Variants in LRMDA observed in about 807,000 individuals in gnomAD.
LRMDA encodes leucine-rich melanocyte differentiation-associated protein.
In LRMDA, 18 loss-of-function variants were observed where a neutral mutation model predicts 29.8. The observed-to-expected ratio is 0.60, with a 90% CI of 0.42 to 0.90. LRMDA has a LOEUF of 0.90. Among genes scored for constraint, LRMDA ranks in the 40% least tolerant of loss-of-function variants. The pLI is 0.00. For synonymous variants in LRMDA, 125 were observed against 109.4 expected, an observed-to-expected ratio of 1.14 and a Z score of -0.89; for missense variants, 273 against 273.9, an observed-to-expected ratio of 1.00 and a Z score of 0.02.
intron 2 of LRMDA, among the ~76,000 whole-genome samples, chr10:75,994,537 G>C (rs1847426835): frequency 6.6e-6 from 1 of 152,126 alleles, no homozygotes. Context: ...ACATTCCTTA[G>C]GTGCCGGGAG....
In LRMDA at chr10:76,179,324, C is replaced by CT. The variant is rs1231472240; in HGVS notation, c.516+120548dup. On this transcript the variant is annotated intron_variant, in intron 5 of 6. Transcript: ENST00000611255. Reference sequence around the variant, plus strand: ...TACAGAATCCTAGACCTGAAAGGAGCTTTTTTTCAAGCATGTAGCTGGCCT... The same window carrying CT: ...TACAGAATCCTAGACCTGAAAGGAGCTTTTTTTTCAAGCATGTAGCTGGCCT... Among the ~76,000 whole-genome samples the CT allele has an allele frequency of 7.9e-5, 12 of 152,046 alleles. No individual in the cohort carries two copies. In the South Asian group the frequency reaches 1.7e-3, roughly 21 times the overall value.
intron 2 of LRMDA, among the ~76,000 whole-genome samples, chr10:75,802,507 A>G (rs1037265083): frequency 3.3e-5 from 5 of 152,176 alleles, no homozygotes; most frequent in African/African-American, 1.2e-4. Context: ...ATTAATGATT[A>G]GCTAATTATA....
Position 76,058,742 on chromosome 10 carries a change from G to A in LRMDA, c.475G>A (p.Ala159Thr). The change falls in exon 5 of 7, where the codon GCG becomes ACG. Residue 159 changes from alanine (A) to threonine (T), a missense_variant. Ala to Thr is a moderately conservative substitution (Grantham distance 58). Coordinates refer to ENST00000611255, the MANE Select transcript of LRMDA (RefSeq NM_001305581.2). ...AGTAACCAGACAAGAACGAGAGGAG[G>A]CGTTGGTCAGAGGAGTCTTCATGAA... is the stretch of plus-strand genomic sequence containing the variant. ...QKVTRQEREE[A>T]LVRGVFMKVV... The A allele has an allele frequency of 6.2e-7, 1 of 1,614,168 alleles. No homozygotes were observed. The highest frequency in any genetic ancestry group is 2.2e-5 in the East Asian group (1 of 44,886).
intron 2 of LRMDA, among the ~76,000 whole-genome samples, chr10:75,970,705 G>A (rs559265162): frequency 6.6e-6 from 1 of 152,288 alleles, no homozygotes; most frequent in Non-Finnish European, 1.5e-5. Flanking sequence ...GTTGAAGATG[G>A]GCAGGCCCAG....
intron 6 of LRMDA, among the ~76,000 whole-genome samples, chr10:76,479,468 T>G (rs1419179522): frequency 1.3e-5 from 2 of 151,862 alleles, no homozygotes; most frequent in Non-Finnish European, 2.9e-5. Context: ...CATTTTCATT[T>G]TGGGGGGTCC....
chr10:75,478,704 A>AT (rs1389302077), intron 2 of LRMDA, among the ~76,000 whole-genome samples: 8 of 152,236 alleles, frequency 5.3e-5, no homozygotes, highest in African/African-American at 9.6e-5. Context: ...CAAAAAGACC[A>AT]TTTTTTTCAA....
chr10:75,888,284 G>T (rs565238876), intron 2 of LRMDA, among the ~76,000 whole-genome samples: 1 of 152,160 alleles, frequency 6.6e-6, no homozygotes, highest in Non-Finnish European at 1.5e-5. Context: ...CACTCTCCGC[G>T]TATGATGAGT....
chr10:75,828,612 A>T (rs894167250), intron 2 of LRMDA, among the ~76,000 whole-genome samples: 1 of 152,202 alleles, frequency 6.6e-6, no homozygotes, highest in African/African-American at 2.4e-5. Context: ...AAGACTAAAG[A>T]TTATTCCCCA....
chr10:76,385,114 C>T (rs766966286), intron 6 of LRMDA, among the ~76,000 whole-genome samples: 7 of 152,070 alleles, frequency 4.6e-5, no homozygotes, highest in East Asian at 1.9e-4. Flanking sequence ...TAGATTGGAC[C>T]GGAAATCCTG....
chr10:76,412,374 C>A (rs1841971489), intron 6 of LRMDA, among the ~76,000 whole-genome samples: 1 of 152,150 alleles, frequency 6.6e-6, no homozygotes, highest in African/African-American at 2.4e-5. Context: ...TGTAAGACTT[C>A]AGAAAGGAAG....
intron 5 of LRMDA, chr10:76,270,945 C>A (rs1564706511): frequency 6.6e-6 from 1 of 152,204 alleles, no homozygotes; most frequent in African/African-American, 2.4e-5. Context: ...GTAAGGCCAC[C>A]ATCAATAACA....
intron 2 of LRMDA, among the ~76,000 whole-genome samples, chr10:76,001,684 T>C (rs1847565894): frequency 6.6e-6 from 1 of 152,120 alleles, no homozygotes; most frequent in South Asian, 2.1e-4. Context: ...AGTTTTGCAA[T>C]TTTTATTTCA....
chr10:76,378,970 C>T (rs1284050793), intron 6 of LRMDA, among the ~76,000 whole-genome samples: 4 of 149,842 alleles, frequency 2.7e-5, no homozygotes, highest in Non-Finnish European at 5.9e-5. Flanking sequence ...AATTCTTCTG[C>T]CTCAGTCTCC....
intron 6 of LRMDA, among the ~76,000 whole-genome samples, chr10:76,524,406 A>G (rs1050387798): frequency 6.6e-6 from 1 of 152,216 alleles, no homozygotes; most frequent in Non-Finnish European, 1.5e-5. Context: ...AAACTCTGAT[A>G]TTTCTAATGT....
intron 6 of LRMDA, among the ~76,000 whole-genome samples, chr10:76,554,541 C>G (rs1031512804): frequency 1.3e-5 from 2 of 152,218 alleles, no homozygotes; most frequent in African/African-American, 2.4e-5. Flanking sequence ...TGACACCTAG[C>G]CGCAGTCTCC....
chr10:75,757,288 C>A (rs1340916067), intron 2 of LRMDA, among the ~76,000 whole-genome samples: 2 of 152,174 alleles, frequency 1.3e-5, no homozygotes, highest in Non-Finnish European at 2.9e-5. Context: ...TCAGTCAGCA[C>A]TCAGGGGAAG....
At chr10:75,604,283 T>C (rs75811739) in intron 2 of LRMDA, among the ~76,000 whole-genome samples, 4,882 of 152,242 alleles carry the variant, frequency 0.032, 261 homozygotes, top group African/African-American at 0.11. Context: ...TAATACAGAT[T>C]ATCTGTTACA....
At chr10:75,642,112 A>G (rs1841461457) in intron 2 of LRMDA, among the ~76,000 whole-genome samples, 1 of 152,186 alleles carries the variant, frequency 6.6e-6, no homozygotes, top group African/African-American at 2.4e-5. Context: ...GGGTAAAGAA[A>G]CAGATTCTTC....
intron 5 of LRMDA, among the ~76,000 whole-genome samples, chr10:76,228,650 G>C (rs368312117): frequency 6.6e-6 from 1 of 152,122 alleles, no homozygotes; most frequent in African/African-American, 2.4e-5. Flanking sequence ...GGCGAGTCCA[G>C]GTGGAGCCAT....
Sources: gnomAD v4.1 joint callset for allele counts (sites outside exome capture counted in the v4.1 genomes callset) on GRCh38, gnomAD v4.1.1 for gene constraint, MANE v1.5 for transcripts, NCBI Gene and HGNC (gene_info 2026-07-23, HGNC 2026-07-21) for gene names.